Variants in GFOD1 observed in about 807,000 individuals in gnomAD.
GFOD1 encodes the protein Gfo/Idh/MocA-like oxidoreductase domain containing 1, also known as glucose-fructose oxidoreductase domain-containing protein 1.
A neutral mutation model predicts 25.4 loss-of-function variants in GFOD1; 9 were observed. The observed-to-expected ratio is 0.35, with a 90% confidence interval of 0.21 to 0.62. The LOEUF (loss-of-function observed/expected upper bound fraction) is 0.62, where lower values mean the gene tolerates loss of function less well. Among genes scored for constraint, GFOD1 ranks in the 20% least tolerant of loss-of-function variants. GFOD1 has a pLI of 0.72. For missense variants in GFOD1, 403 were observed against 556.9 expected (o/e 0.72, Z 2.78); for synonymous variants, 253 against 245.6 (o/e 1.03, Z -0.28).
intron 1 of GFOD1, among the ~76,000 whole-genome samples, chr6:13,474,032 G>A (rs952161191): frequency 3.3e-5 from 5 of 152,208 alleles, no homozygotes; most frequent in Non-Finnish European, 7.3e-5. Flanking sequence ...GGCCCCTTGT[G>A]CTGCAAGTGT....
chr6:13,463,189 C>T (rs74790772), intron 1 of GFOD1, among the ~76,000 whole-genome samples: 5,676 of 152,264 alleles, frequency 0.037, 339 homozygotes, highest in African/African-American at 0.12. Context: ...CTTTCCAGAC[C>T]ACCGGAATGC....
In GFOD1 at chr6:13,465,641, T is replaced by C. The variant is rs552194651; in HGVS notation, c.253+20997A>G. 6.3e-4 allele frequency among the ~76,000 whole-genome samples: 96 copies of C among 152,276 alleles called. 1 individual carries two copies. The highest frequency in any genetic ancestry group is 2.2e-3 in the African/African-American group (92 of 41,546). On this transcript the variant is annotated intron_variant, in intron 1 of 1. Transcript: ENST00000379287. ...GGGTGCGGCCTGGGCTTCAGGATGTTTGACACCTTCCCAGGTGTTCCTAAC... is the reference window on the plus strand; with the variant it reads ...GGGTGCGGCCTGGGCTTCAGGATGTCTGACACCTTCCCAGGTGTTCCTAAC...
chr6:13,386,715 A>G (rs572807848), intron 1 of GFOD1, among the ~76,000 whole-genome samples: 1 of 152,272 alleles, frequency 6.6e-6, no homozygotes, highest in Non-Finnish European at 1.5e-5. Flanking sequence ...TGGCAGGTGT[A>G]GACTTCATGT....
At chr6:13,444,266 C>G (rs148184719) in intron 1 of GFOD1, among the ~76,000 whole-genome samples, 6 of 152,070 alleles carry the variant, frequency 3.9e-5, no homozygotes, top group African/African-American at 1.2e-4. Flanking sequence ...GAACAGAAAA[C>G]CAAATACCAC....
At chr6:13,390,619 A>C (rs993759770) in intron 1 of GFOD1, among the ~76,000 whole-genome samples, 7 of 145,456 alleles carry the variant, frequency 4.8e-5, no homozygotes, top group Non-Finnish European at 7.6e-5. Flanking sequence ...CCCAGTGACT[A>C]GGGAGGCTGA....
chr6:13,394,327 T>C (rs1785682365), intron 1 of GFOD1, among the ~76,000 whole-genome samples: 1 of 152,036 alleles, frequency 6.6e-6, no homozygotes, highest in Non-Finnish European at 1.5e-5. Context: ...AGAATAAATA[T>C]ATATTTGCTT....
chr6:13,450,185 A>G (rs1033365592), intron 1 of GFOD1, among the ~76,000 whole-genome samples: 1 of 152,196 alleles, frequency 6.6e-6, no homozygotes, highest in Admixed American at 6.5e-5. Flanking sequence ...AATGGACAGC[A>G]CAACATTTGG....
chr6:13,451,725 G>C (rs1341626849), intron 1 of GFOD1, among the ~76,000 whole-genome samples: 2 of 152,218 alleles, frequency 1.3e-5, no homozygotes, highest in Non-Finnish European at 2.9e-5. Context: ...CAAGGACCAG[G>C]GTTGGGAATG....
intron 1 of GFOD1, among the ~76,000 whole-genome samples, chr6:13,441,409 C>T (rs367573279): frequency 2.0e-5 from 3 of 152,158 alleles, no homozygotes; most frequent in South Asian, 2.1e-4. Flanking sequence ...ACGTAACTTA[C>T]GCATCACATA....
chr6:13,422,970 C>T (rs145544409), intron 1 of GFOD1, among the ~76,000 whole-genome samples: 206 of 152,282 alleles, frequency 1.4e-3, no homozygotes, highest in Non-Finnish European at 2.3e-3. Flanking sequence ...GCTATTTCTC[C>T]TACATGTACC....
At chr6:13,427,850 A>G (rs968011099) in intron 1 of GFOD1, among the ~76,000 whole-genome samples, 3 of 152,166 alleles carry the variant, frequency 2.0e-5, no homozygotes, top group Non-Finnish European at 2.9e-5. Flanking sequence ...TCCAGCCTCT[A>G]CGGAATCTTT....
chr6:13,408,701 G>C (rs1383620955), intron 1 of GFOD1, among the ~76,000 whole-genome samples: 1 of 152,168 alleles, frequency 6.6e-6, no homozygotes, highest in Non-Finnish European at 1.5e-5. Context: ...TTTGTTAAGA[G>C]AATAGTCAGG....
intron 1 of GFOD1, among the ~76,000 whole-genome samples, chr6:13,459,581 T>C: frequency 6.6e-6 from 1 of 151,858 alleles, no homozygotes; most frequent in Non-Finnish European, 1.5e-5. Flanking sequence ...ACCTACAGAA[T>C]GGGAAAAAAT....
rs1482092540 is a variant in GFOD1, at chr6:13,365,886, A to G, written c.254-224T>C. On this transcript the variant is annotated intron_variant, in intron 1 of 1. Coordinates refer to ENST00000379287, the MANE Select transcript of GFOD1 (RefSeq NM_018988.4). This position sits in a 1 kb window ranked among gnomAD's most constrained non-coding sequence, Gnocchi z 9.2. ...ACAGAGAGATCCTGTCTCAATAATA[A>G]TAATAATAATAATAATAATAATAAT... Among the ~76,000 whole-genome samples, 2 of 141,790 alleles carry G rather than the reference A, an allele frequency of 1.4e-5. No homozygotes were observed. The highest frequency in any genetic ancestry group is 3.1e-5 in the Non-Finnish European group (2 of 65,394). 93.0% of individuals were successfully genotyped at this position (141,790 alleles called of 152,430 possible). A position where few individuals can be genotyped will look rare whatever the true frequency, so the allele number is the denominator to read the frequency against.
chr6:13,377,510 T>C (rs1785278280), intron 1 of GFOD1, among the ~76,000 whole-genome samples: 1 of 152,196 alleles, frequency 6.6e-6, no homozygotes, highest in Non-Finnish European at 1.5e-5. Context: ...TGCCCTGCCA[T>C]CTTCAAGCCA....
At chr6:13,436,552 T>C (rs567388129) in intron 1 of GFOD1, among the ~76,000 whole-genome samples, 266 of 152,380 alleles carry the variant, frequency 1.7e-3, no homozygotes, top group Non-Finnish European at 2.3e-3. Context: ...TAATAGTGTG[T>C]TGTATTAATA....
intron 1 of GFOD1, among the ~76,000 whole-genome samples, chr6:13,399,002 G>A (rs1785791102): frequency 6.6e-6 from 1 of 152,182 alleles, no homozygotes; most frequent in African/African-American, 2.4e-5. Flanking sequence ...TACTACTTTG[G>A]AAAACAGATT....
intron 1 of GFOD1, among the ~76,000 whole-genome samples, chr6:13,402,021 T>C (rs889528110): frequency 2.2e-4 from 34 of 152,202 alleles, no homozygotes; most frequent in African/African-American, 7.2e-4. Context: ...TAATTAAGAG[T>C]TCAGAAATAA....
intron 1 of GFOD1, among the ~76,000 whole-genome samples, chr6:13,465,873 C>T (rs558848470): frequency 1.7e-3 from 259 of 152,272 alleles, no homozygotes; most frequent in Non-Finnish European, 3.0e-3. Context: ...TATAATGAAA[C>T]CTGGGTCATC....
Sources: gnomAD v4.1 joint callset for allele counts (sites outside exome capture counted in the v4.1 genomes callset) on GRCh38, gnomAD v4.1.1 for gene constraint, Gnocchi (gnomAD v3.1) non-coding constraint, MANE v1.5 for transcripts, NCBI Gene and HGNC (gene_info 2026-07-23, HGNC 2026-07-21) for gene names.